The following RBM44 variants were observed in gnomAD, a reference collection of about 807,000 sequenced individuals.
RBM44 encodes the protein RNA binding motif protein 44.
Under a neutral mutation model 105.1 loss-of-function variants are expected in RBM44, and 66 were observed. The observed-to-expected ratio is 0.63, with a 90% CI of 0.52 to 0.77. The LOEUF is 0.77. Ranked by LOEUF, RBM44 falls within the 30% of genes least tolerant of loss-of-function variation. RBM44 has a pLI of 0.00. For synonymous variants in RBM44, 365 were observed against 417.6 expected (o/e 0.87, Z 1.54); for missense variants, 1,122 against 1,207.8 (o/e 0.93, Z 1.05).
intron 15 of RBM44, 105 bp downstream of exon 15, chr2:237,834,528 T>C (rs2061937575): frequency 3.7e-6 from 2 of 545,830 alleles, no homozygotes; most frequent in African/African-American, 2.0e-5. Context: ...AAAATAATAA[T>C]ATAATCACAA....
chr2:237,823,304 C>T, intron 8 of RBM44, 136 bp from the exon 9 acceptor site: 1 of 534,098 alleles, frequency 1.9e-6, no homozygotes, highest in Non-Finnish European at 3.4e-6. Context: ...CATGTCAGGT[C>T]AGGTTGATAA....
chr2:237,812,021 ATTGT>A (rs1463971327), intron 1 of RBM44, among the ~76,000 whole-genome samples: 1 of 152,058 alleles, frequency 6.6e-6, no homozygotes, highest in African/African-American at 2.4e-5. Context: ...CACCCAGCTA[ATTGT>A]TTGTATTTTT....
intron 1 of RBM44, among the ~76,000 whole-genome samples, chr2:237,810,482 T>C (rs1018348524): frequency 1.1e-4 from 16 of 152,206 alleles, no homozygotes; most frequent in African/African-American, 3.9e-4. Context: ...TTTCTTCTCT[T>C]TCAGTCATTT....
chr2:237,817,474 G>A lies in RBM44; in HGVS notation c.555G>A (p.Gln185=). The A allele has an allele frequency of 6.2e-7, 1 of 1,602,612 alleles. No homozygotes were observed. The highest frequency in any genetic ancestry group is 8.5e-7 in the Non-Finnish European group (1 of 1,173,774). Residue 185 remains glutamine, a synonymous_variant, in exon 3 of 16, where the codon CAG becomes CAA. Coordinates refer to ENST00000316997, the MANE Select transcript of RBM44 (RefSeq NM_001080504.3). ...TQKHDTDEDS[Q]QEYHSAEEQE... ...AGCATGATACAGATGAAGACTCACA[G>A]CAGGAATATCACAGTGCAGAAGAAC...
At chr2:237,816,931 GT>G in intron 2 of RBM44, 61 bp from the exon 3 acceptor site, 2 of 1,045,870 alleles carry the variant, frequency 1.9e-6, no homozygotes, top group Non-Finnish European at 2.7e-6. Context: ...CATGTCTAAG[GT>G]TTTTCTAGTG....
intron 15 of RBM44, among the ~76,000 whole-genome samples, chr2:237,840,523 A>G (rs959856038): frequency 6.6e-6 from 1 of 152,150 alleles, no homozygotes; most frequent in Admixed American, 6.5e-5. Context: ...ATTCTGGCCA[A>G]GATTTCATGA....
chr2:237,810,745 G>A (rs138790465), intron 1 of RBM44, among the ~76,000 whole-genome samples: 55 of 152,314 alleles, frequency 3.6e-4, no homozygotes, highest in Admixed American at 3.3e-4. Flanking sequence ...AAGGTGATTG[G>A]CACAGAGGAA....
At chr2:237,800,907 C>T (rs914265602) in intron 1 of RBM44, among the ~76,000 whole-genome samples, 4 of 152,062 alleles carry the variant, frequency 2.6e-5, no homozygotes, top group Non-Finnish European at 4.4e-5. Flanking sequence ...TTAGTAGAGA[C>T]GGGTTTTCAC....
chr2:237,824,201 A>G (rs2061823658), intron 9 of RBM44, 90 bp from the exon 10 acceptor site: 2 of 1,249,168 alleles, frequency 1.6e-6, no homozygotes, highest in Admixed American at 2.0e-5. Context: ...AGTAGTCATC[A>G]TCGTACTGAT....
In RBM44 at chr2:237,817,113, A is replaced by G. The variant is rs530166556; in HGVS notation, c.194A>G (p.Asn65Ser). The G allele has an allele frequency of 2.8e-4, 445 of 1,609,350 alleles. 7 individuals carry two copies. In the South Asian group the frequency reaches 4.6e-3, roughly 17 times the overall value. The change falls in exon 3 of 16, where the codon AAT (asparagine) becomes AGT (serine). Residue 65 changes from asparagine (N) to serine (S), a missense_variant. Physicochemically the swap from Asn to Ser is conservative, Grantham distance 46. Coordinates refer to ENST00000316997, the MANE Select transcript of RBM44 (RefSeq NM_001080504.3). Reference protein sequence around the residue: ...NSSTLEQRANNKEISNIDKMD... With the variant: ...NSSTLEQRANSKEISNIDKMD... Reference sequence around the variant, plus strand: ...TCGACACTAGAGCAAAGAGCTAATAATAAAGAAATCAGCAATATTGACAAA... The same window carrying G: ...TCGACACTAGAGCAAAGAGCTAATAGTAAAGAAATCAGCAATATTGACAAA...
intron 10 of RBM44, among the ~76,000 whole-genome samples, 187 bp from the exon 11 acceptor site, chr2:237,827,063 C>T (rs910634070): frequency 1.3e-5 from 2 of 152,062 alleles, no homozygotes; most frequent in African/African-American, 4.8e-5. Flanking sequence ...TGATTAAGGC[C>T]CAGAAATCTT....
At chr2:237,821,873 G>A in intron 8 of RBM44, 46 bp downstream of exon 8, 2 of 1,273,270 alleles carry the variant, frequency 1.6e-6, no homozygotes, top group Non-Finnish European at 2.3e-6. Context: ...TAAGTGTATG[G>A]TTTACGTAAA....
Position 237,817,548 on chromosome 2 carries a change from A to C in RBM44, c.629A>C (p.Asp210Ala). 2 of 1,611,922 alleles carry C rather than the reference A, an allele frequency of 1.2e-6. No homozygotes were observed. Among genetic ancestry groups the C allele is most frequent in the Admixed American group, 1.7e-5 (1 of 59,700 alleles). The change falls in exon 3 of 16, where the codon GAT becomes GCT. Residue 210 changes from aspartate (D) to alanine (A), a missense_variant. This residue lies in a region of RBM44 where 918 missense variants were observed against 955.3 expected (regional missense o/e 0.96). Coordinates refer to ENST00000316997, the MANE Select transcript of RBM44 (RefSeq NM_001080504.3). ...TCTTTTGACCAAACAAAAGCATTAG[A>C]TATATCTAATCCAGAAGTTGTTGAA... The part of the protein sequence containing the change: ...HLSFDQTKAL[D>A]ISNPEVVELG...
intron 1 of RBM44, among the ~76,000 whole-genome samples, chr2:237,799,648 G>A (rs942295661): frequency 6.6e-6 from 1 of 152,290 alleles, no homozygotes; most frequent in East Asian, 1.9e-4. Context: ...GGTGTATCTG[G>A]AAGACACCAA....
rs1226839077 is a variant in RBM44, at chr2:237,834,088, G to A, written c.2978G>A (p.Arg993His). 5 of 1,582,474 alleles carry A rather than the reference G, an allele frequency of 3.2e-6. No individual in the cohort carries two copies. Among genetic ancestry groups the A allele is most frequent in the South Asian group, 2.3e-5 (2 of 86,578 alleles). ...QFIPPNTLNL[R>H]SFTKIIKRLA... ...ATACCTCCAAATACATTGAACCTTC[G>A]TAGCTTTACCAAGATCATAAAGAGA... The change falls in exon 14 of 16, where the codon CGT (arginine) becomes CAT (histidine). Residue 993 changes from arginine to histidine, a missense_variant. Physicochemically the swap from Arg to His is conservative, Grantham distance 29. Transcript: ENST00000316997.
intron 12 of RBM44, among the ~76,000 whole-genome samples, 162 bp from the exon 13 acceptor site, chr2:237,829,055 A>G (rs989505939): frequency 6.6e-6 from 1 of 152,172 alleles, no homozygotes; most frequent in Non-Finnish European, 1.5e-5. Flanking sequence ...TAGTTATCCT[A>G]AATAAATATT....
intron 1 of RBM44, among the ~76,000 whole-genome samples, chr2:237,812,131 C>A (rs1409667721): frequency 6.6e-6 from 1 of 152,218 alleles, no homozygotes; most frequent in Non-Finnish European, 1.5e-5. Flanking sequence ...GCTAGGATTA[C>A]AGGCGTGAGC....
intron 1 of RBM44, among the ~76,000 whole-genome samples, chr2:237,811,607 TATAAG>T (rs971035793): frequency 1.3e-5 from 2 of 152,068 alleles, no homozygotes; most frequent in African/African-American, 4.8e-5. Flanking sequence ...TAGGAATTGA[TATAAG>T]ATGTATCTTT....
At position 237,817,332 on chromosome 2, in the gene RBM44, A is replaced by G. The variant is rs866459161; in HGVS notation, c.413A>G (p.Gln138Arg). 6 of 1,603,268 alleles carry G rather than the reference A, an allele frequency of 3.7e-6. No individual in the cohort carries two copies. Among genetic ancestry groups the G allele is most frequent in the Non-Finnish European group, 5.1e-6 (6 of 1,175,546 alleles). ...AGTTCAGAATTAGATCCTGAAGTGC[A>G]GAAAAAAGAGGAGGTTTTTTTTAAT... The part of the protein sequence containing the change: ...PLSSELDPEV[Q>R]KKEEVFFNIL... The change falls in exon 3 of 16, where the codon CAG becomes CGG. Residue 138 changes from glutamine (Q) to arginine (R), a missense_variant. By Grantham distance (43) the Gln-to-Arg change is conservative (BLOSUM62 1). This residue lies in a region of RBM44 where 918 missense variants were observed against 955.3 expected (regional missense o/e 0.96). Coordinates refer to ENST00000316997, the MANE Select transcript of RBM44 (RefSeq NM_001080504.3).
Sources: allele counts gnomAD v4.1 joint callset (sites outside exome capture counted in the v4.1 genomes callset), GRCh38; gene constraint gnomAD v4.1.1; regional missense constraint gnomAD v4.1.1; transcripts MANE v1.5; gene names NCBI Gene and HGNC (gene_info 2026-07-23, HGNC 2026-07-21).